ASCC1: variants seen among roughly 807,000 people sequenced by gnomAD.
ASCC1 encodes activating signal cointegrator 1 complex subunit 1, also known as ASC-1 complex subunit P50.
ASCC1 carries 35 observed loss-of-function variants against 46.6 expected under a neutral mutation model. The observed-to-expected ratio is 0.75, with a 90% CI of 0.57 to 0.99. The LOEUF is 0.99. Ranked by LOEUF, ASCC1 falls within the 50% of genes least tolerant of loss-of-function variation. The pLI, the probability that ASCC1 is intolerant of heterozygous loss-of-function variation, is 0.00. For missense variants in ASCC1, 376 were observed against 428.7 expected (o/e 0.88, Z 1.09); for synonymous variants, 143 against 146.6 (o/e 0.98, Z 0.18).
At position 72,141,407 on chromosome 10, in the gene ASCC1, T is replaced by C. The variant is rs112418981; in HGVS notation, c.747-8226A>G. On this transcript the variant is annotated intron_variant, in intron 7 of 9. Coordinates refer to ENST00000672957, the MANE Select transcript of ASCC1 (RefSeq NM_001198800.3). ...CCATCAATTTGATTTTGATGACCATTTAGACTGCCGCCAGTATTTACTGTT... is the reference window on the plus strand; with the variant it reads ...CCATCAATTTGATTTTGATGACCATCTAGACTGCCGCCAGTATTTACTGTT... 9.0e-4 allele frequency among the ~76,000 whole-genome samples: 137 copies of C among 152,298 alleles called. 2 individuals carry two copies. Among genetic ancestry groups the C allele is most frequent in the African/African-American group, 3.2e-3 (133 of 41,572 alleles).
chr10:72,161,432 A>G, intron 6 of ASCC1, 106 bp downstream of exon 6: 2 of 1,417,318 alleles, frequency 1.4e-6, no homozygotes, highest in Non-Finnish European at 2.0e-6. Context: ...AAATCACATG[A>G]GTCCTTCCCA....
chr10:72,123,811 C>A (rs1409027667), intron 9 of ASCC1, among the ~76,000 whole-genome samples: 1 of 152,138 alleles, frequency 6.6e-6, no homozygotes, highest in African/African-American at 2.4e-5. Flanking sequence ...TAAAGAGTCT[C>A]CCGGGAGGAG....
At chr10:72,178,521 T>C (rs1048769461) in intron 5 of ASCC1, among the ~76,000 whole-genome samples, 3 of 152,132 alleles carry the variant, frequency 2.0e-5, no homozygotes, top group African/African-American at 7.2e-5. Flanking sequence ...CTTTCAGACA[T>C]ATAGACACAA....
chr10:72,183,247 T>C (rs577109424), intron 5 of ASCC1, among the ~76,000 whole-genome samples: 19 of 152,192 alleles, frequency 1.2e-4, no homozygotes, highest in Admixed American at 4.6e-4. Context: ...TTCCCCATGT[T>C]GGCCAGCCTT....
At chr10:72,120,241 A>C (rs747378190) in intron 9 of ASCC1, among the ~76,000 whole-genome samples, 3 of 152,200 alleles carry the variant, frequency 2.0e-5, no homozygotes, top group Non-Finnish European at 4.4e-5. Context: ...TAAATAAATA[A>C]GTAAATAAAT....
At position 72,096,699 on chromosome 10, in the gene ASCC1, A is replaced by C. The variant is rs777956664; in HGVS notation, c.*635T>G. The C allele has an allele frequency of 6.6e-6, 3 of 454,180 alleles. No homozygotes were observed. The highest frequency in any genetic ancestry group is 2.3e-5 in the Admixed American group (1 of 42,586). The allele number at this position is 454,180 out of a possible 1,614,324, so 28.1% of individuals were successfully genotyped here. ...GATGGAGGAACAGAGTGTGGTACGC[A>C]CATGTAACGGAACATTCCATTATAT... On this transcript the variant is annotated 3_prime_UTR_variant, in exon 10 of 10. Coordinates refer to ENST00000672957, the MANE Select transcript of ASCC1 (RefSeq NM_001198800.3).
chr10:72,153,098 G>A, intron 6 of ASCC1, 110 bp from the exon 7 acceptor site: 2 of 1,374,400 alleles, frequency 1.5e-6, no homozygotes, highest in Non-Finnish European at 2.0e-6. Context: ...ACTTACATGT[G>A]TACAAAAACA....
At chr10:72,124,924 T>C (rs573428921) in intron 9 of ASCC1, among the ~76,000 whole-genome samples, 32 of 152,300 alleles carry the variant, frequency 2.1e-4, no homozygotes, top group Non-Finnish European at 3.4e-4. Flanking sequence ...AGAATGATTC[T>C]AGTTGTCAGT....
At chr10:72,212,801 T>A (rs192991277) in intron 2 of ASCC1, among the ~76,000 whole-genome samples, 1 of 152,138 alleles carries the variant, frequency 6.6e-6, no homozygotes, top group African/African-American at 2.4e-5. Context: ...TGAGTGGAGA[T>A]CACATTACTG....
At chr10:72,144,059 C>A (rs1419303028) in intron 7 of ASCC1, among the ~76,000 whole-genome samples, 2 of 151,792 alleles carry the variant, frequency 1.3e-5, no homozygotes, top group East Asian at 3.9e-4. Context: ...CTCACTGCAA[C>A]CTCCACCTCC....
intron 9 of ASCC1, among the ~76,000 whole-genome samples, chr10:72,107,888 T>C (rs1245309556): frequency 6.6e-6 from 1 of 152,110 alleles, no homozygotes; most frequent in Non-Finnish European, 1.5e-5. Context: ...ATTAGCCTTT[T>C]TCCTCACCTA....
chr10:72,196,656 T>G (rs1480809531), intron 5 of ASCC1, among the ~76,000 whole-genome samples, 155 bp downstream of exon 5: 1 of 152,210 alleles, frequency 6.6e-6, no homozygotes, highest in Non-Finnish European at 1.5e-5. Context: ...CCATACACTT[T>G]TTTTTTCAGT....
intron 9 of ASCC1, among the ~76,000 whole-genome samples, chr10:72,107,683 T>C (rs747172134): frequency 6.6e-6 from 1 of 152,244 alleles, no homozygotes; most frequent in South Asian, 2.1e-4. Context: ...TCTTTTCTAC[T>C]GAAGAAAGGG....
In ASCC1 at chr10:72,209,361, G is replaced by A. The variant is rs778968113; in HGVS notation, c.212+1371C>T. 6.6e-5 allele frequency among the ~76,000 whole-genome samples: 10 copies of A among 151,120 alleles called. No homozygotes were observed. The South Asian group carries it at 1.7e-3, about 25-fold the overall frequency. ...TTAGCCAGGCTTGGTGGTGTGTGCC[G>A]GTTCCAGCTACTTGGGAGGCTGAGG... On this transcript the variant is annotated intron_variant, in intron 3 of 9. Transcript: ENST00000672957.
intron 5 of ASCC1, among the ~76,000 whole-genome samples, chr10:72,193,475 CA>C (rs942732160): frequency 6.9e-5 from 10 of 145,588 alleles, no homozygotes; most frequent in Non-Finnish European, 1.4e-4. Context: ...CACACACACA[CA>C]CACCACACAC....
intron 3 of ASCC1, among the ~76,000 whole-genome samples, chr10:72,206,292 T>C (rs1239377123): frequency 6.6e-6 from 1 of 151,690 alleles, no homozygotes; most frequent in Non-Finnish European, 1.5e-5. Flanking sequence ...TAATCCCAGC[T>C]ACTCGGGAGG....
At chr10:72,184,686 G>A (rs1014840671) in intron 5 of ASCC1, among the ~76,000 whole-genome samples, 8 of 151,404 alleles carry the variant, frequency 5.3e-5, no homozygotes, top group African/African-American at 9.7e-5. Flanking sequence ...TCCTCTCTCC[G>A]CAACTAAAAG....
At chr10:72,153,069 A>G (rs1400437667) in intron 6 of ASCC1, 81 bp from the exon 7 acceptor site, 6 of 1,551,886 alleles carry the variant, frequency 3.9e-6, no homozygotes, top group East Asian at 2.3e-5. Flanking sequence ...GTTAATACAC[A>G]TAGTCAAATA....
chr10:72,109,957 A>AT (rs1252515797), intron 9 of ASCC1, among the ~76,000 whole-genome samples: 6 of 152,144 alleles, frequency 3.9e-5, no homozygotes, highest in African/African-American at 1.4e-4. Flanking sequence ...TGAAAGTTCA[A>AT]TTTGCTGCAT....
Sources: gnomAD v4.1 joint callset for allele counts (sites outside exome capture counted in the v4.1 genomes callset) on GRCh38, gnomAD v4.1.1 for gene constraint, MANE v1.5 for transcripts, NCBI Gene and HGNC (gene_info 2026-07-23, HGNC 2026-07-21) for gene names.